Variants in UBASH3A observed in about 807,000 individuals in gnomAD.
UBASH3A encodes ubiquitin associated and SH3 domain containing A.
Under a neutral mutation model 73.5 loss-of-function variants are expected in UBASH3A, and 63 were observed. That is an observed-to-expected ratio of 0.86 (90% CI 0.70 to 1.06). The LOEUF is 1.06. UBASH3A is among the 50% of genes least tolerant of loss of function. The probability of loss-of-function intolerance (pLI) is 0.00; values close to 1 mark genes in which losing one functional copy is unlikely to be tolerated. For missense variants in UBASH3A, 860 were observed against 859.0 expected (o/e 1.00, Z -0.02); for synonymous variants, 363 against 351.1 (o/e 1.03, Z -0.38).
chr21:42,410,822 C>T (rs1171142136), intron 3 of UBASH3A, among the ~76,000 whole-genome samples: 1 of 151,806 alleles, frequency 6.6e-6, no homozygotes, highest in Admixed American at 6.6e-5. Flanking sequence ...ACACACATAG[C>T]TCACACACAT....
In UBASH3A at chr21:42,442,542, T is replaced by C. The variant is rs1367205599; in HGVS notation, c.1577T>C (p.Leu526Pro). The C allele has an allele frequency of 2.5e-6, 4 of 1,613,998 alleles. No homozygotes were observed. The highest frequency in any genetic ancestry group is 3.4e-6 in the Non-Finnish European group (4 of 1,180,024). Residue 526 changes from leucine to proline, a missense_variant, in exon 12 of 15, where the codon CTC becomes CCC. Coordinates refer to ENST00000319294, the MANE Select transcript of UBASH3A (RefSeq NM_018961.4). ...KWEAGKTTPTLMSLEELKEAN... is the reference protein window; with the variant it reads ...KWEAGKTTPTPMSLEELKEAN... ...GAAGCTGGCAAAACCACCCCAACCCTCATGAGCCTGGAAGAGCTGAAAGAG... is the reference window on the plus strand; with the variant it reads ...GAAGCTGGCAAAACCACCCCAACCCCCATGAGCCTGGAAGAGCTGAAAGAG...
intron 3 of UBASH3A, among the ~76,000 whole-genome samples, chr21:42,409,914 C>T (rs756047178): frequency 6.6e-6 from 1 of 152,138 alleles, no homozygotes; most frequent in Admixed American, 6.5e-5. Flanking sequence ...TTGTATCATA[C>T]GGGCCATGTG....
chr21:42,439,976 C>T (rs2053708684), intron 11 of UBASH3A, among the ~76,000 whole-genome samples: 2 of 147,902 alleles, frequency 1.4e-5, no homozygotes, highest in Non-Finnish European at 3.0e-5. Flanking sequence ...TCCACACACA[C>T]ACCACACCCC....
chr21:42,446,241 C>G (rs761712303), intron 14 of UBASH3A, among the ~76,000 whole-genome samples: 1 of 152,156 alleles, frequency 6.6e-6, no homozygotes, highest in Non-Finnish European at 1.5e-5. Flanking sequence ...TCACCCTGCC[C>G]CTACCCCAAA....
Position 42,413,172 on chromosome 21 carries a change from T to C in UBASH3A, c.503T>C (p.Val168Ala). 1.2e-6 allele frequency: 2 copies of C among 1,614,204 alleles called. No individual in the cohort carries two copies. Among genetic ancestry groups the C allele is most frequent in the Non-Finnish European group, 1.7e-6 (2 of 1,180,032 alleles). Reference protein sequence around the residue: ...GFFVSGSPADVIREFAMTFAT... With the variant: ...GFFVSGSPADAIREFAMTFAT... Reference sequence around the variant, plus strand: ...TTCGTCAGTGGCAGCCCCGCAGACGTCATCCGGGAATTCGCCATGACCTTC... The same window carrying C: ...TTCGTCAGTGGCAGCCCCGCAGACGCCATCCGGGAATTCGCCATGACCTTC... Residue 168 changes from valine (V) to alanine (A), a missense_variant, in exon 4 of 15, where the codon GTC becomes GCC. Physicochemically the swap from Val to Ala is moderately conservative, Grantham distance 64 (BLOSUM62 0). Transcript: ENST00000319294. This position sits in a 1 kb window ranked among gnomAD's most constrained non-coding sequence, Gnocchi z 4.5.
intron 3 of UBASH3A, among the ~76,000 whole-genome samples, chr21:42,412,031 C>T (rs2053108842): frequency 6.6e-6 from 1 of 152,210 alleles, no homozygotes; most frequent in Admixed American, 6.5e-5. Context: ...ATTCCGAGGG[C>T]AGCCCGGTGC....
chr21:42,410,317 C>T (rs1370529557), intron 3 of UBASH3A: 6 of 602,966 alleles, frequency 1.0e-5, no homozygotes, highest in African/African-American at 3.7e-5. Context: ...AAGGGCACAC[C>T]CACTTCTGCT....
At position 42,413,104 on chromosome 21, in the gene UBASH3A, C is replaced by A. The variant is rs780252174; in HGVS notation, c.435C>A (p.Ala145=). 1.2e-6 allele frequency: 2 copies of A among 1,614,212 alleles called. No homozygotes were observed. The change falls in exon 4 of 15, where the codon GCC becomes GCA. Residue 145 remains alanine (A), a synonymous_variant. Coordinates refer to ENST00000319294, the MANE Select transcript of UBASH3A (RefSeq NM_018961.4). The surrounding 1 kb of genome is among the most constrained non-coding windows in gnomAD (Gnocchi z 4.5). The stretch of plus-strand genomic sequence containing the variant: ...GGCTCCTGGGCTCCTTCCCCACGGC[C>A]GTGCCTCTGGCTCTCCACTCCTCCA... ...GDRLLGSFPT[A]VPLALHSSIS...
chr21:42,439,953 C>T (rs2053707635), intron 11 of UBASH3A, among the ~76,000 whole-genome samples: 1 of 146,180 alleles, frequency 6.8e-6, no homozygotes, highest in Non-Finnish European at 1.5e-5. Context: ...ACACACACGA[C>T]ACACACCACA....
Position 42,437,596 on chromosome 21 carries a change from G to A in UBASH3A, c.1486+16G>A, listed in dbSNP as rs570757376. ...ATCCTGGAAGGTCAGTGAGAACCTC[G>A]GTGAGCCTCTCCTACTGCCTTGACC... On this transcript the variant is annotated intron_variant, in intron 11 of 14. Coordinates refer to ENST00000319294, the MANE Select transcript of UBASH3A (RefSeq NM_018961.4). 2.5e-5 allele frequency: 41 copies of A among 1,610,338 alleles called. No individual in the cohort carries two copies. The highest frequency in any genetic ancestry group is 3.4e-5 in the Non-Finnish European group (40 of 1,176,730).
chr21:42,410,161 C>G (rs947903521), intron 3 of UBASH3A: 2 of 701,922 alleles, frequency 2.8e-6, no homozygotes, highest in African/African-American at 3.5e-5. Context: ...GTGGGTAGCT[C>G]CACAGCAAAA....
chr21:42,404,102 G>A, intron 1 of UBASH3A, 44 bp downstream of exon 1: 1 of 1,207,938 alleles, frequency 8.3e-7, no homozygotes, highest in Non-Finnish European at 1.1e-6. Context: ...AGTAAGGCTG[G>A]TGCCAGACCC....
At chr21:42,410,077 G>A (rs1181361695) in intron 3 of UBASH3A, 3 of 702,132 alleles carry the variant, frequency 4.3e-6, no homozygotes, top group East Asian at 2.7e-5. Flanking sequence ...ATGGGTGATT[G>A]TTGGCTACCC....
Position 42,447,110 on chromosome 21 carries a change from G to A in UBASH3A, c.1902G>A (p.Trp634Ter), listed in dbSNP as rs267606142. 1 of 1,614,090 alleles carries A rather than the reference G, an allele frequency of 6.2e-7. No homozygotes were observed. Among genetic ancestry groups the A allele is most frequent in the Non-Finnish European group, 8.5e-7 (1 of 1,179,966 alleles). Residue 634 changes from tryptophan (W) to a stop codon, truncating the protein, a stop_gained, in exon 15 of 15, where the codon TGG (tryptophan) becomes TGA (stop). Transcript: ENST00000319294. LOFTEE classifies it low-confidence loss of function (END_TRUNC). ...FCEENKEEGK[W>*]ELVNPPVKTL... Reference sequence around the variant, plus strand: ...AAGAAAATAAAGAGGAAGGAAAATGGGAGTTGGTGAACCCACCGGTGAAGA... The same window carrying A: ...AAGAAAATAAAGAGGAAGGAAAATGAGAGTTGGTGAACCCACCGGTGAAGA...
chr21:42,437,688 C>T lies in UBASH3A; in HGVS notation c.1486+108C>T, dbSNP rs2053652008. 8.1e-6 allele frequency: 8 copies of T among 990,064 alleles called. No homozygotes were observed. In the South Asian group the frequency reaches 8.2e-5, roughly 10 times the overall value. The allele number at this position is 990,064 out of a possible 1,614,324, so 61.3% of individuals were successfully genotyped here. ...GGAATTGGATGACTGGCAATGAATG[C>T]CCACACCAAAGTCATCAGGCAAGTA... On this transcript the variant is annotated intron_variant, in intron 11 of 14. Transcript: ENST00000319294.
At chr21:42,406,207 C>G in intron 1 of UBASH3A, 101 bp from the exon 2 acceptor site, 1 of 937,542 alleles carries the variant, frequency 1.1e-6, no homozygotes, top group Non-Finnish European at 1.8e-6. Flanking sequence ...CTTCAGAGCA[C>G]CCCCCAAAGA....
chr21:42,439,392 G>A (rs1222508594), intron 11 of UBASH3A, among the ~76,000 whole-genome samples: 2 of 152,144 alleles, frequency 1.3e-5, no homozygotes, highest in Admixed American at 1.3e-4. Context: ...TCACAAGACA[G>A]AAATGCAGAC....
chr21:42,425,485 G>T (rs1364532322), intron 7 of UBASH3A, among the ~76,000 whole-genome samples: 1 of 152,204 alleles, frequency 6.6e-6, no homozygotes, highest in Non-Finnish European at 1.5e-5. Context: ...GTGCCTCACT[G>T]CTCTGAGCAT....
rs934690215 is a variant in UBASH3A at position 42,446,182 on chromosome 21, A to G, written c.1849-875A>G. Among the ~76,000 whole-genome samples the G allele has an allele frequency of 5.3e-5, 8 of 152,150 alleles. 1 individual carries two copies. Among genetic ancestry groups the G allele is most frequent in the African/African-American group, 1.9e-4 (8 of 41,436 alleles). On this transcript the variant is annotated intron_variant, in intron 14 of 14. Coordinates refer to ENST00000319294, the MANE Select transcript of UBASH3A (RefSeq NM_018961.4). ...CCTTCACCCCCTTCCATAGATGCCAATCTTGAACTTCCAAACTCCTGGACT... is the reference window on the plus strand; with the variant it reads ...CCTTCACCCCCTTCCATAGATGCCAGTCTTGAACTTCCAAACTCCTGGACT...
Sources: gnomAD v4.1 joint callset for allele counts (sites outside exome capture counted in the v4.1 genomes callset) on GRCh38, gnomAD v4.1.1 for gene constraint, Gnocchi (gnomAD v3.1) non-coding constraint, MANE v1.5 for transcripts, NCBI Gene and HGNC (gene_info 2026-07-23, HGNC 2026-07-21) for gene names.